The following CRACD variants were observed in gnomAD, a reference collection of about 807,000 sequenced individuals.
CRACD encodes the protein capping protein inhibiting regulator of actin dynamics, also known as capping protein-inhibiting regulator of actin dynamics.
In CRACD, 56 loss-of-function variants were observed where a neutral mutation model predicts 106.8. That is an observed-to-expected ratio of 0.52 (90% confidence interval 0.42 to 0.66). The LOEUF (loss-of-function observed/expected upper bound fraction) is 0.66. CRACD is among the 30% of genes least tolerant of loss of function. The probability of loss-of-function intolerance (pLI) is 0.00; values close to 1 mark genes in which losing one functional copy is unlikely to be tolerated. For missense variants in CRACD, 1,730 were observed against 1,623.2 expected, an observed-to-expected ratio of 1.07 and a Z score of -1.13; for synonymous variants, 754 against 670.8, an observed-to-expected ratio of 1.12 and a Z score of -1.92.
chr4:56,093,048 G>T (rs1190196844), intron 1 of CRACD, among the ~76,000 whole-genome samples: 1 of 152,202 alleles, frequency 6.6e-6, no homozygotes, highest in Non-Finnish European at 1.5e-5. Flanking sequence ...GTGGATTTGA[G>T]TGCTAGATCC....
intron 1 of CRACD, among the ~76,000 whole-genome samples, chr4:56,099,071 C>G (rs893504309): frequency 1.3e-5 from 2 of 151,482 alleles, no homozygotes; most frequent in African/African-American, 4.9e-5. Context: ...GATTCAGTGA[C>G]CATTCATTGA....
chr4:56,300,793 A>C (rs1432590867), intron 4 of CRACD, among the ~76,000 whole-genome samples: 1 of 152,236 alleles, frequency 6.6e-6, no homozygotes, highest in East Asian at 1.9e-4. Flanking sequence ...TTAGTGTTGT[A>C]AAAAAGTATA....
intron 2 of CRACD, among the ~76,000 whole-genome samples, chr4:56,206,310 C>T (rs1738119359): frequency 6.6e-6 from 1 of 152,164 alleles, no homozygotes; most frequent in Non-Finnish European, 1.5e-5. Context: ...GTTCCTCACT[C>T]ATGTGGTCCA....
At chr4:56,287,115 C>T (rs1743414502) in intron 3 of CRACD, among the ~76,000 whole-genome samples, 1 of 152,164 alleles carries the variant, frequency 6.6e-6, no homozygotes, top group African/African-American at 2.4e-5. Context: ...TGTTTTTATT[C>T]TATAACAGTC....
chr4:56,308,131 T>C (rs1744870148), intron 5 of CRACD, among the ~76,000 whole-genome samples: 7 of 152,212 alleles, frequency 4.6e-5, no homozygotes, highest in Admixed American at 3.9e-4. Context: ...CACATCTTTG[T>C]CTCCCTAGGA....
At position 56,127,705 on chromosome 4, in the gene CRACD, G is replaced by A. The variant is rs141828297; in HGVS notation, c.-335-51579G>A. On this transcript the variant is annotated intron_variant, in intron 1 of 10. Transcript: ENST00000682029. The stretch of plus-strand genomic sequence containing the variant: ...GGTCTCATGAGATAGATGTCTGGGT[G>A]TGCATGGCTGGTGTTGTGAAATGCT... Among the ~76,000 whole-genome samples the A allele has an allele frequency of 2.5e-3, 379 of 152,304 alleles. 6 individuals are homozygous for A. The highest frequency in any genetic ancestry group is 0.023 in the South Asian group (113 of 4,822).
chr4:56,126,586 A>T (rs1734667022), intron 1 of CRACD, among the ~76,000 whole-genome samples: 2 of 152,180 alleles, frequency 1.3e-5, no homozygotes, highest in South Asian at 4.1e-4. Flanking sequence ...TCTCCAGTTT[A>T]TATCTTTGTA....
At chr4:56,286,133 C>A (rs1743325550) in intron 3 of CRACD, among the ~76,000 whole-genome samples, 1 of 152,118 alleles carries the variant, frequency 6.6e-6, no homozygotes, top group South Asian at 2.1e-4. Context: ...TGGCTCATGA[C>A]CGTAATCCCA....
chr4:56,101,843 G>A (rs763735981), intron 1 of CRACD, among the ~76,000 whole-genome samples: 3 of 150,966 alleles, frequency 2.0e-5, no homozygotes, highest in Non-Finnish European at 2.9e-5. Flanking sequence ...TAAAACATAT[G>A]TTACATGTAT....
At chr4:56,284,909 G>A (rs1211795542) in intron 3 of CRACD, among the ~76,000 whole-genome samples, 1 of 152,156 alleles carries the variant, frequency 6.6e-6, no homozygotes, top group Non-Finnish European at 1.5e-5. Context: ...GGCTGATAAG[G>A]TTTGAGCTGG....
At chr4:56,252,353 AT>A (rs1226911540) in intron 2 of CRACD, among the ~76,000 whole-genome samples, 5 of 151,890 alleles carry the variant, frequency 3.3e-5, no homozygotes, top group Admixed American at 6.6e-5. Context: ...GCTACCAGGG[AT>A]TTTTTTTTCC....
At chr4:56,103,573 A>G (rs537720356) in intron 1 of CRACD, among the ~76,000 whole-genome samples, 211 of 152,318 alleles carry the variant, frequency 1.4e-3, no homozygotes, top group African/African-American at 4.7e-3. Flanking sequence ...TTTTACTTGC[A>G]CAAGACAAAC....
chr4:56,126,737 A>G (rs1295221709), intron 1 of CRACD, among the ~76,000 whole-genome samples: 1 of 152,174 alleles, frequency 6.6e-6, no homozygotes, highest in African/African-American at 2.4e-5. Context: ...GGGTTCTTCG[A>G]CTTCTAAAGC....
chr4:56,049,706 C>G (rs1438099499), intron 1 of CRACD: 1 of 152,524 alleles, frequency 6.6e-6, no homozygotes, highest in Non-Finnish European at 1.5e-5. Flanking sequence ...CGGACGCCGT[C>G]CGGGCTCAGC....
At chr4:56,234,006 A>T (rs1739803858) in intron 2 of CRACD, among the ~76,000 whole-genome samples, 1 of 152,122 alleles carries the variant, frequency 6.6e-6, no homozygotes, top group Non-Finnish European at 1.5e-5. Flanking sequence ...ACATAGAAAG[A>T]AGTTGATTTT....
intron 4 of CRACD, among the ~76,000 whole-genome samples, chr4:56,303,360 AAAAG>A (rs1356871959): frequency 7.2e-5 from 11 of 152,200 alleles, no homozygotes; most frequent in South Asian, 4.1e-4. Flanking sequence ...AAAAAAAAAA[AAAAG>A]AAAGAAGGAA....
At chr4:56,079,472 G>A (rs1343957913) in intron 1 of CRACD, among the ~76,000 whole-genome samples, 1 of 150,926 alleles carries the variant, frequency 6.6e-6, no homozygotes, top group Admixed American at 6.6e-5. Flanking sequence ...TTGAGATGGG[G>A]TTTTGTTCTG....
chr4:56,188,709 C>CAGAGAGAG (rs1227467173), intron 2 of CRACD, among the ~76,000 whole-genome samples: 2 of 129,866 alleles, frequency 1.5e-5, no homozygotes, highest in Admixed American at 7.6e-5. Context: ...CACACACACA[C>CAGAGAGAG]ACAGAGAGAG....
At chr4:56,187,757 G>A (rs189528515) in intron 2 of CRACD, among the ~76,000 whole-genome samples, 4 of 151,298 alleles carry the variant, frequency 2.6e-5, no homozygotes, top group Admixed American at 2.0e-4. Context: ...TTCAACAGAC[G>A]CACACTGAAT....
Sources: gnomAD v4.1 joint callset for allele counts (sites outside exome capture counted in the v4.1 genomes callset) on GRCh38, gnomAD v4.1.1 for gene constraint, MANE v1.5 for transcripts, NCBI Gene and HGNC (gene_info 2026-07-23, HGNC 2026-07-21) for gene names.